SYK: variants seen among roughly 807,000 people sequenced by gnomAD.
SYK encodes the protein tyrosine-protein kinase SYK.
In SYK, 16 loss-of-function variants were observed where a neutral mutation model predicts 77.8. The ratio of observed to expected loss-of-function variants is 0.21; its 90% CI spans 0.14 to 0.31. The LOEUF is 0.31. Ranked by LOEUF, SYK falls within the 10% of genes least tolerant of loss-of-function variation. SYK has a pLI of 1.00. For missense variants in SYK, 529 were observed against 814.4 expected (o/e 0.65, Z 4.26); for synonymous variants, 312 against 308.7 (o/e 1.01, Z -0.11).
At chr9:90,827,417 GGAA>G (rs1825698865) in intron 1 of SYK, 1 of 152,206 alleles carries the variant, frequency 6.6e-6, no homozygotes, top group African/African-American at 2.4e-5. Flanking sequence ...TCCAGCAGCA[GGAA>G]GCACTCTGGC....
At chr9:90,841,766 T>C (rs1482810159) in intron 1 of SYK, among the ~76,000 whole-genome samples, 1 of 150,642 alleles carries the variant, frequency 6.6e-6, no homozygotes, top group Non-Finnish European at 1.5e-5. Flanking sequence ...GTGTATGTGA[T>C]GTGTGTAGTA....
At chr9:90,864,980 G>T in intron 5 of SYK, 68 bp from the exon 6 acceptor site, 3 of 1,459,426 alleles carry the variant, frequency 2.1e-6, no homozygotes, top group African/African-American at 1.4e-5. Context: ...TGATTGATCT[G>T]CAGTGGGGAG....
intron 1 of SYK, among the ~76,000 whole-genome samples, chr9:90,808,982 T>C (rs1824964407): frequency 6.6e-6 from 1 of 152,234 alleles, no homozygotes; most frequent in African/African-American, 2.4e-5. Flanking sequence ...AATACTGTTT[T>C]TCATGTTTCT....
At chr9:90,876,540 T>C (rs1307875456) in intron 9 of SYK, among the ~76,000 whole-genome samples, 1 of 152,208 alleles carries the variant, frequency 6.6e-6, no homozygotes, top group African/African-American at 2.4e-5. Context: ...TTTTGTACAA[T>C]GAGTAAAAAT....
At chr9:90,851,060 G>A (rs767257737) in intron 3 of SYK, among the ~76,000 whole-genome samples, 1 of 152,158 alleles carries the variant, frequency 6.6e-6, no homozygotes, top group African/African-American at 2.4e-5. Flanking sequence ...ACTTAAGGGG[G>A]CTAAACTTAT....
At chr9:90,837,361 A>G (rs1826122692) in intron 1 of SYK, among the ~76,000 whole-genome samples, 4 of 152,094 alleles carry the variant, frequency 2.6e-5, no homozygotes, top group Admixed American at 2.0e-4. Context: ...TGATGCTACA[A>G]AGGTAATAGA....
chr9:90,888,492 T>G, intron 12 of SYK, 23 bp from the exon 13 acceptor site: 1 of 1,542,138 alleles, frequency 6.5e-7, no homozygotes, highest in Non-Finnish European at 8.7e-7. Flanking sequence ...AAAAAAAGCT[T>G]ATGCATATCT....
chr9:90,836,266 A>G (rs1826080837), intron 1 of SYK, among the ~76,000 whole-genome samples: 1 of 150,468 alleles, frequency 6.6e-6, no homozygotes, highest in Non-Finnish European at 1.5e-5. Context: ...CAGCCTGGGC[A>G]ACAGAGCGAG....
At chr9:90,882,488 T>C (rs1416256086) in intron 11 of SYK, among the ~76,000 whole-genome samples, 1 of 152,258 alleles carries the variant, frequency 6.6e-6, no homozygotes, top group Non-Finnish European at 1.5e-5. Flanking sequence ...CAGACTCCGC[T>C]GTGTGCCCCC....
In SYK at chr9:90,884,756, T is replaced by C. The variant is rs1454175694; in HGVS notation, c.1582-2993T>C. Among the ~76,000 whole-genome samples, 8 of 33,666 alleles carry C rather than the reference T, an allele frequency of 2.4e-4. 2 individuals are homozygous for C. Among genetic ancestry groups the C allele is most frequent in the Admixed American group, 9.7e-4 (3 of 3,108 alleles). The allele number at this position is 33,666 out of a possible 152,430, so 22.1% of individuals were successfully genotyped here. ...ACATGTACATATACACATATACACA[T>C]ATGTGTACATGCACATATACACATG... is the stretch of plus-strand genomic sequence containing the variant. On this transcript the variant is annotated intron_variant, in intron 11 of 13. Transcript: ENST00000375754.
In SYK at chr9:90,887,777, A is replaced by G. The variant is rs371627100; in HGVS notation, c.1610A>G (p.Lys537Arg). The G allele has an allele frequency of 1.2e-6, 2 of 1,612,684 alleles. No individual in the cohort carries two copies. Among genetic ancestry groups the G allele is most frequent in the Non-Finnish European group, 1.7e-6 (2 of 1,179,402 alleles). Residue 537 changes from lysine to arginine, a missense_variant, in exon 12 of 14, where the codon AAG becomes AGG. Transcript: ENST00000375754. Reference sequence around the variant, plus strand: ...CAGACCCATGGAAAGTGGCCTGTCAAGTGGTACGCTCCGGAATGCATCAAC... The same window carrying G: ...CAGACCCATGGAAAGTGGCCTGTCAGGTGGTACGCTCCGGAATGCATCAAC... ...KAQTHGKWPV[K>R]WYAPECINYY...
intron 11 of SYK, among the ~76,000 whole-genome samples, chr9:90,885,993 A>G (rs1828558595): frequency 6.6e-6 from 1 of 152,220 alleles, no homozygotes; most frequent in Admixed American, 6.5e-5. Context: ...ACACTGAGGG[A>G]ATTCATCACC....
At chr9:90,860,025 G>A (rs1355449259) in intron 3 of SYK, among the ~76,000 whole-genome samples, 1 of 152,084 alleles carries the variant, frequency 6.6e-6, no homozygotes, top group Non-Finnish European at 1.5e-5. Context: ...GTCTCACTCT[G>A]TTGCCCAGGC....
At position 90,885,478 on chromosome 9, in the gene SYK, A is replaced by G. The variant is rs184034130; in HGVS notation, c.1582-2271A>G. Among the ~76,000 whole-genome samples the G allele has an allele frequency of 2.0e-5, 3 of 152,322 alleles. No individual in the cohort carries two copies. The East Asian group carries it at 5.8e-4, about 29-fold the overall frequency. Reference sequence around the variant, plus strand: ...AGGTCTTTTGAAACAACCTATTCAGACAAAAATAAAGAGAAAAGAATAAAA... The same window carrying G: ...AGGTCTTTTGAAACAACCTATTCAGGCAAAAATAAAGAGAAAAGAATAAAA... On this transcript the variant is annotated intron_variant, in intron 11 of 13. Transcript: ENST00000375754.
chr9:90,815,066 C>T (rs1488162399), intron 1 of SYK, among the ~76,000 whole-genome samples: 2 of 151,542 alleles, frequency 1.3e-5, no homozygotes, highest in Non-Finnish European at 2.9e-5. Flanking sequence ...CTGGAGAAAA[C>T]CTTAGTGCTT....
chr9:90,897,550 T>C lies in SYK; in HGVS notation c.*1950T>C, dbSNP rs1242468222. On this transcript the variant is annotated 3_prime_UTR_variant, in exon 14 of 14. Transcript: ENST00000375754. Reference sequence around the variant, plus strand: ...TTCCTTCTGTAACTTCCAGAGGGAGTCTTCAACACAGGCCCCGTGCTCGTA... The same window carrying C: ...TTCCTTCTGTAACTTCCAGAGGGAGCCTTCAACACAGGCCCCGTGCTCGTA... 4.3e-6 allele frequency: 1 copy of C among 231,074 alleles called. No individual in the cohort carries two copies. Among genetic ancestry groups the C allele is most frequent in the Non-Finnish European group, 8.6e-6 (1 of 116,752 alleles). The allele number at this position is 231,074 out of a possible 1,614,324, so 14.3% of individuals were successfully genotyped here.
At chr9:90,837,385 T>TTAAC (rs1425052877) in intron 1 of SYK, among the ~76,000 whole-genome samples, 2 of 151,992 alleles carry the variant, frequency 1.3e-5, no homozygotes, top group Non-Finnish European at 2.9e-5. Flanking sequence ...TTTTGAGAAG[T>TTAAC]TAACTATGTG....
chr9:90,845,342 A>G (rs562770303), intron 2 of SYK, 92 bp from the exon 3 acceptor site: 693 of 1,389,190 alleles, frequency 5.0e-4, no homozygotes, highest in Non-Finnish European at 6.4e-4. Flanking sequence ...CTGTTTTACC[A>G]TGCCAGGACT....
chr9:90,895,452 C>A lies in SYK; in HGVS notation c.1836-76C>A. 1 of 1,502,908 alleles carries A rather than the reference C, an allele frequency of 6.7e-7. No individual in the cohort carries two copies. The allele number at this position is 1,502,908 out of a possible 1,614,324, so 93.1% of individuals were successfully genotyped here. On this transcript the variant is annotated intron_variant, in intron 13 of 13. Transcript: ENST00000375754. The surrounding 1 kb of genome is among the most constrained non-coding windows in gnomAD (Gnocchi z 4.4). ...GGGAGCAGCACCACTGGTACTCAGC[C>A]TGCAGAGGCCCTGCTTGTGATCAGC...
Sources: allele counts gnomAD v4.1 joint callset (sites outside exome capture counted in the v4.1 genomes callset), GRCh38; gene constraint gnomAD v4.1.1; non-coding constraint Gnocchi (gnomAD v3.1); transcripts MANE v1.5; gene names NCBI Gene and HGNC (gene_info 2026-07-23, HGNC 2026-07-21).